BCAS3: variants seen among roughly 807,000 people sequenced by gnomAD.
BCAS3 encodes BCAS3 microtubule associated cell migration factor, also known as BCAS4/BCAS3 fusion.
In BCAS3, 53 loss-of-function variants were observed where a neutral mutation model predicts 116.1. The observed-to-expected ratio is 0.46, with a 90% confidence interval of 0.37 to 0.57. The LOEUF (loss-of-function observed/expected upper bound fraction) is 0.57, where lower values mean the gene tolerates loss of function less well. BCAS3 is among the 20% of genes least tolerant of loss of function. The pLI, the probability that BCAS3 is intolerant of heterozygous loss-of-function variation, is 0.00. For missense variants in BCAS3, 917 were observed against 1,165.4 expected (o/e 0.79, Z 3.10); for synonymous variants, 391 against 408.2 (o/e 0.96, Z 0.51).
intron 13 of BCAS3, among the ~76,000 whole-genome samples, chr17:60,938,333 T>C (rs2060044742): frequency 6.6e-6 from 1 of 152,216 alleles, no homozygotes; most frequent in Non-Finnish European, 1.5e-5. Context: ...GGAGTAAGTA[T>C]AGACATAGAT....
intron 22 of BCAS3, among the ~76,000 whole-genome samples, chr17:61,102,632 A>C (rs2074397984): frequency 6.6e-6 from 1 of 152,116 alleles, no homozygotes; most frequent in African/African-American, 2.4e-5. Context: ...AAATTTTTTG[A>C]ATAGACGTGT....
intron 9 of BCAS3, among the ~76,000 whole-genome samples, chr17:60,875,208 T>C (rs2055483252): frequency 6.6e-6 from 1 of 152,196 alleles, no homozygotes; most frequent in Admixed American, 6.5e-5. Flanking sequence ...TCTTCAATAC[T>C]GTTAAATAAA....
chr17:61,337,538 A>AT lies in BCAS3; in HGVS notation c.2426-30789_2426-30788insT, dbSNP rs1450715812. 6.6e-6 allele frequency among the ~76,000 whole-genome samples: 1 copy of AT among 152,212 alleles called. No individual in the cohort carries two copies. The highest frequency in any genetic ancestry group is 2.4e-5 in the African/African-American group (1 of 41,458). On this transcript the variant is annotated intron_variant, in intron 22 of 23. Coordinates refer to ENST00000407086, the MANE Select transcript of BCAS3 (RefSeq NM_017679.5). This position sits in a 1 kb window ranked among gnomAD's most constrained non-coding sequence, Gnocchi z 4.8. The stretch of plus-strand genomic sequence containing the variant: ...AATGCTCCCAGGGATCCTCCTGCCA[A>AT]GATCCTGCCAGGCTTCCCTCGCCTT...
rs1389737105 is a variant in BCAS3 at position 61,235,818 on chromosome 17, G to A, written c.2426-132509G>A. ...GGACTGATTATATGTTAGCTTAACA[G>A]TAATACTAGGAAAATAATCCTCCTC... On this transcript the variant is annotated intron_variant, in intron 22 of 23. Transcript: ENST00000407086. This position sits in a 1 kb window ranked among gnomAD's most constrained non-coding sequence, Gnocchi z 5.0. 6.6e-6 allele frequency among the ~76,000 whole-genome samples: 1 copy of A among 152,134 alleles called. No homozygotes were observed. Among genetic ancestry groups the A allele is most frequent in the Non-Finnish European group, 1.5e-5 (1 of 68,034 alleles).
chr17:60,845,795 T>C (rs1235446875), intron 7 of BCAS3, among the ~76,000 whole-genome samples: 6 of 151,604 alleles, frequency 4.0e-5, no homozygotes, highest in Non-Finnish European at 7.4e-5. Context: ...CTTTTTTTTT[T>C]TTTCTCTCTC....
intron 10 of BCAS3, among the ~76,000 whole-genome samples, chr17:60,901,857 G>C (rs1435172805): frequency 2.0e-5 from 3 of 152,052 alleles, no homozygotes; most frequent in African/African-American, 7.2e-5. Flanking sequence ...TTGTCATTTT[G>C]TTTTTTAAAA....
At chr17:60,679,004 G>A (rs997754594) in intron 1 of BCAS3, among the ~76,000 whole-genome samples, 1 of 152,134 alleles carries the variant, frequency 6.6e-6, no homozygotes, top group Non-Finnish European at 1.5e-5. Flanking sequence ...CGGATGGATT[G>A]CTTGAGCTCA....
At chr17:60,747,404 A>C in intron 6 of BCAS3, 125 bp downstream of exon 6, 2 of 689,744 alleles carry the variant, frequency 2.9e-6, no homozygotes, top group South Asian at 2.1e-5. Context: ...CCCCTTCCCC[A>C]CCTCCCCCAA....
intron 13 of BCAS3, among the ~76,000 whole-genome samples, chr17:60,943,189 TA>T (rs1257052928): frequency 4.6e-5 from 7 of 151,300 alleles, no homozygotes; most frequent in African/African-American, 1.5e-4. Context: ...AAAAGAGAAA[TA>T]AAAAACAGAA....
chr17:61,038,416 C>G (rs2145611562), intron 18 of BCAS3, among the ~76,000 whole-genome samples: 1 of 151,674 alleles, frequency 6.6e-6, no homozygotes, highest in East Asian at 2.0e-4. Context: ...CCACACCTAG[C>G]TAATTTTTTT....
At chr17:60,854,949 G>GTTTTTTTTTTTTTT (rs1267985905) in intron 7 of BCAS3, among the ~76,000 whole-genome samples, 3 of 121,952 alleles carry the variant, frequency 2.5e-5, no homozygotes, top group East Asian at 4.9e-4. Context: ...TTTCAGTGAG[G>GTTTTTTTTTTTTTT]TTTTTTTTTT....
rs1306664455 is a variant in BCAS3 at position 61,144,329 on chromosome 17, G to A, written c.2425+59765G>A. Reference sequence around the variant, plus strand: ...CTACCATCTCCTCCGAGTCTTCTACGTGTATGTCTAGATACTATGACAGAT... The same window carrying A: ...CTACCATCTCCTCCGAGTCTTCTACATGTATGTCTAGATACTATGACAGAT... On this transcript the variant is annotated intron_variant, in intron 22 of 23. Transcript: ENST00000407086. This position sits in a 1 kb window ranked among gnomAD's most constrained non-coding sequence, Gnocchi z 5.0. 1.3e-5 allele frequency among the ~76,000 whole-genome samples: 2 copies of A among 152,096 alleles called. No individual in the cohort carries two copies. Among genetic ancestry groups the A allele is most frequent in the Non-Finnish European group, 2.9e-5 (2 of 68,028 alleles).
chr17:61,380,454 TA>T lies in BCAS3; in HGVS notation c.2594-11520del. 6.5e-7 allele frequency: 1 copy of T among 1,537,836 alleles called. No homozygotes were observed. The highest frequency in any genetic ancestry group is 8.9e-7 in the Non-Finnish European group (1 of 1,129,940). On this transcript the variant is annotated intron_variant, in intron 23 of 23. Coordinates refer to ENST00000407086, the MANE Select transcript of BCAS3 (RefSeq NM_017679.5). This position sits in a 1 kb window ranked among gnomAD's most constrained non-coding sequence, Gnocchi z 4.2. ...TTGATCTCAGCTCTTCCTGCTCTCTTAAAGGTCCAGTTTGTGATCCGCTTTA... is the reference window on the plus strand; with the variant it reads ...TTGATCTCAGCTCTTCCTGCTCTCTTAAGGTCCAGTTTGTGATCCGCTTTA...
chr17:60,977,778 T>C (rs556274643), intron 14 of BCAS3, among the ~76,000 whole-genome samples: 1 of 150,994 alleles, frequency 6.6e-6, no homozygotes, highest in South Asian at 2.1e-4. Context: ...TGCCATAGTT[T>C]ACTGAGAATG....
chr17:61,114,987 G>A (rs2075334436), intron 22 of BCAS3, among the ~76,000 whole-genome samples: 1 of 151,754 alleles, frequency 6.6e-6, no homozygotes, highest in African/African-American at 2.4e-5. Flanking sequence ...CAAGCAATGG[G>A]GAAAGGATTC....
At chr17:61,127,864 T>C (rs991142950) in intron 22 of BCAS3, among the ~76,000 whole-genome samples, 1 of 151,394 alleles carries the variant, frequency 6.6e-6, no homozygotes, top group Non-Finnish European at 1.5e-5. Flanking sequence ...AAATAATACA[T>C]ATACACACGA....
intron 14 of BCAS3, among the ~76,000 whole-genome samples, chr17:60,952,048 A>G (rs550713009): frequency 6.6e-6 from 1 of 152,094 alleles, no homozygotes; most frequent in East Asian, 1.9e-4. Context: ...TTGGGATTAC[A>G]GGCATGAGCC....
chr17:60,911,742 T>C (rs1317801801), intron 12 of BCAS3, among the ~76,000 whole-genome samples: 2 of 152,180 alleles, frequency 1.3e-5, no homozygotes, highest in African/African-American at 2.4e-5. Context: ...GCCACGTAAA[T>C]TTTGTTTTAA....
Position 61,356,771 on chromosome 17 carries a change from C to G in BCAS3, c.2426-11556C>G, listed in dbSNP as rs1399629012. 1 of 152,216 alleles carries G rather than the reference C, an allele frequency of 6.6e-6. No homozygotes were observed. The highest frequency in any genetic ancestry group is 1.5e-5 in the Non-Finnish European group (1 of 68,032). The allele number at this position is 152,216 out of a possible 1,614,324, so 9.4% of individuals were successfully genotyped here. The stretch of plus-strand genomic sequence containing the variant: ...TATGAAATTTGTACAGAGGTGGAAT[C>G]GTTTCTGCCATTTTTCACACACAAG... On this transcript the variant is annotated intron_variant, in intron 22 of 23. Coordinates refer to ENST00000407086, the MANE Select transcript of BCAS3 (RefSeq NM_017679.5). This position sits in a 1 kb window ranked among gnomAD's most constrained non-coding sequence, Gnocchi z 5.4.
Sources: gnomAD v4.1 joint callset for allele counts (sites outside exome capture counted in the v4.1 genomes callset) on GRCh38, gnomAD v4.1.1 for gene constraint, Gnocchi (gnomAD v3.1) non-coding constraint, MANE v1.5 for transcripts, NCBI Gene and HGNC (gene_info 2026-07-23, HGNC 2026-07-21) for gene names.